Variants in CLDN16 observed in about 807,000 individuals in gnomAD.
CLDN16 encodes the protein claudin 16.
Under a neutral mutation model 24.6 loss-of-function variants are expected in CLDN16, and 13 were observed. The ratio of observed to expected loss-of-function variants is 0.53; its 90% CI spans 0.34 to 0.84. The LOEUF (loss-of-function observed/expected upper bound fraction) is 0.84, where lower values mean the gene tolerates loss of function less well. CLDN16 is among the 40% of genes least tolerant of loss of function. CLDN16 has a pLI of 0.01. For missense variants in CLDN16, 298 were observed against 292.7 expected (o/e 1.02, Z -0.13); for synonymous variants, 116 against 106.7 (o/e 1.09, Z -0.54).
chr3:190,412,047 T>C lies in CLDN16; in HGVS notation c.*2011T>C, dbSNP rs1259840564. ...AATTTTTCCATTTTAAATATTTCAT[T>C]TGTATAAGAAAATATTTCAGAGAAC... On this transcript the variant is annotated 3_prime_UTR_variant, in exon 5 of 5. Transcript: ENST00000264734. 2.0e-5 allele frequency: 3 copies of C among 152,158 alleles called. No individual in the cohort carries two copies. The highest frequency in any genetic ancestry group is 4.4e-5 in the Non-Finnish European group (3 of 67,974). The allele number at this position is 152,158 out of a possible 1,614,324, so 9.4% of individuals were successfully genotyped here.
chr3:190,332,354 T>G (rs1177236772), intron 1 of CLDN16, among the ~76,000 whole-genome samples: 1 of 152,202 alleles, frequency 6.6e-6, no homozygotes, highest in Non-Finnish European at 1.5e-5. Flanking sequence ...TATTAATAGT[T>G]TGCTTAATAT....
intron 2 of CLDN16, among the ~76,000 whole-genome samples, chr3:190,372,167 C>T (rs1456924599): frequency 6.6e-6 from 1 of 151,932 alleles, no homozygotes; most frequent in Non-Finnish European, 1.5e-5. Context: ...ATTTGGACAG[C>T]ATTTGGAAAT....
At chr3:190,322,197 C>A, upstream of CLDN16, 1 of 1,613,784 alleles carries the variant, frequency 6.2e-7, no homozygotes, top group Non-Finnish European at 8.5e-7. Flanking sequence ...TGCAGCCCCG[C>A]GTTGGCCATG....
intron 1 of CLDN16, among the ~76,000 whole-genome samples, chr3:190,341,500 C>G (rs1345438123): frequency 6.6e-6 from 1 of 152,144 alleles, no homozygotes; most frequent in Non-Finnish European, 1.5e-5. Flanking sequence ...TACCAAGTCC[C>G]TAGGCTGCAC....
chr3:190,376,546 A>G (rs1718252530), intron 3 of CLDN16, among the ~76,000 whole-genome samples: 1 of 151,920 alleles, frequency 6.6e-6, no homozygotes. Context: ...AATTTTAACC[A>G]AAAGAGTCTG....
At chr3:190,320,835 A>C (rs1668251059), upstream of CLDN16, among the ~76,000 whole-genome samples, 1 of 152,212 alleles carries the variant, frequency 6.6e-6, no homozygotes, top group Admixed American at 6.5e-5. Context: ...TAAAGGGCAT[A>C]ACAGACACAT....
In CLDN16 at chr3:190,404,854, A is replaced by G; in HGVS notation, c.310A>G (p.Lys104Glu). The change falls in exon 3 of 5, where the codon AAA becomes GAA. Residue 104 changes from lysine to glutamate, a missense_variant. Physicochemically the swap from Lys to Glu is moderately conservative, Grantham distance 56. Coordinates refer to ENST00000264734, the MANE Select transcript of CLDN16 (RefSeq NM_006580.4). The stretch of plus-strand genomic sequence containing the variant: ...CCTGCTCCTTGGTCTTGACTGCGTG[A>G]AATTCCTCCCTGATGAGCCGTACAT... The part of the protein sequence containing the change: ...LTLLLGLDCV[K>E]FLPDEPYIKV... The G allele has an allele frequency of 1.9e-6, 3 of 1,614,164 alleles. No homozygotes were observed. Among genetic ancestry groups the G allele is most frequent in the Admixed American group, 1.7e-5 (1 of 60,024 alleles).
chr3:190,387,889 G>GGAGA (rs1216230420), upstream of CLDN16: 2 of 573,104 alleles, frequency 3.5e-6, no homozygotes, highest in African/African-American at 1.9e-5. Context: ...CGAGTGGGGA[G>GGAGA]GAGAATAGCT....
intron 3 of CLDN16, among the ~76,000 whole-genome samples, chr3:190,378,222 G>C (rs1289251832): frequency 1.3e-5 from 2 of 151,840 alleles, no homozygotes; most frequent in South Asian, 2.1e-4. Context: ...TATGAATGAG[G>C]GCTCACAATG....
chr3:190,327,739 C>T (rs1172912939), intron 1 of CLDN16, among the ~76,000 whole-genome samples: 2 of 152,138 alleles, frequency 1.3e-5, no homozygotes, highest in African/African-American at 4.8e-5. Flanking sequence ...AGACTGCATC[C>T]TCATCAGGCC....
chr3:190,312,913 A>G, the CLDN16 span: 1 of 1,614,178 alleles, frequency 6.2e-7, no homozygotes, highest in Non-Finnish European at 8.5e-7. Flanking sequence ...AGCCATCCTC[A>G]TCTTCTGCAC....
intron 1 of CLDN16, among the ~76,000 whole-genome samples, chr3:190,363,937 T>TA (rs1717963055): frequency 1.3e-5 from 2 of 152,028 alleles, no homozygotes; most frequent in South Asian, 2.1e-4. Flanking sequence ...TTATTTCTCT[T>TA]AAAAACAAAA....
chr3:190,390,515 A>G (rs2108659760), intron 1 of CLDN16, among the ~76,000 whole-genome samples: 1 of 150,440 alleles, frequency 6.6e-6, no homozygotes, highest in Admixed American at 6.7e-5. Context: ...GCCTGGCGAC[A>G]GAGCGAGACT....
chr3:190,297,502 A>ATC, the CLDN16 span, among the ~76,000 whole-genome samples: 2 of 80,404 alleles, frequency 2.5e-5, no homozygotes, highest in East Asian at 4.3e-4. Flanking sequence ...CTATATTTAT[A>ATC]TCTATATATA....
At chr3:190,406,986 C>T (rs1481916815) in intron 3 of CLDN16, among the ~76,000 whole-genome samples, 3 of 151,986 alleles carry the variant, frequency 2.0e-5, no homozygotes, top group Admixed American at 6.6e-5. Context: ...GTGATCCGCC[C>T]GCCTCGGCCC....
At chr3:190,368,332 C>A (rs1718066582) in intron 1 of CLDN16, among the ~76,000 whole-genome samples, 1 of 151,874 alleles carries the variant, frequency 6.6e-6, no homozygotes, top group Non-Finnish European at 1.5e-5. Flanking sequence ...AGAGGTCCGC[C>A]AACAATGATG....
intron 3 of CLDN16, among the ~76,000 whole-genome samples, chr3:190,379,402 T>C (rs1718312207): frequency 6.6e-6 from 1 of 152,136 alleles, no homozygotes; most frequent in African/African-American, 2.4e-5. Context: ...TAAATACTAT[T>C]GGATACCCTC....
intron 1 of CLDN16, among the ~76,000 whole-genome samples, chr3:190,356,494 G>A (rs898451866): frequency 2.6e-5 from 4 of 151,726 alleles, no homozygotes; most frequent in South Asian, 2.1e-4. Context: ...TACCACTGTG[G>A]TAAATTACCT....
intron 1 of CLDN16, among the ~76,000 whole-genome samples, chr3:190,398,275 T>C (rs1220580473): frequency 6.6e-6 from 1 of 152,208 alleles, no homozygotes; most frequent in Non-Finnish European, 1.5e-5. Context: ...CTTTATTCTC[T>C]CACAGTTCTG....
Sources: allele counts gnomAD v4.1 joint callset (sites outside exome capture counted in the v4.1 genomes callset), GRCh38; gene constraint gnomAD v4.1.1; transcripts MANE v1.5; gene names NCBI Gene and HGNC (gene_info 2026-07-23, HGNC 2026-07-21).